The following PTPRD variants were observed in gnomAD, a reference collection of about 807,000 sequenced individuals.
PTPRD encodes the protein receptor-type tyrosine-protein phosphatase delta.
Under a neutral mutation model 214.5 loss-of-function variants are expected in PTPRD, and 34 were observed. The ratio of observed to expected loss-of-function variants is 0.16; its 90% CI spans 0.12 to 0.21. The LOEUF is 0.21. PTPRD is among the 10% of genes least tolerant of loss of function. The probability of loss-of-function intolerance (pLI) is 1.00; values close to 1 mark genes in which losing one functional copy is unlikely to be tolerated. For missense variants in PTPRD, 2,545 were observed against 2,398.7 expected (o/e 1.06, Z -1.27); for synonymous variants, 1,128 against 845.7 (o/e 1.33, Z -5.79).
chr9:8,686,913 G>C (rs1357827291), intron 12 of PTPRD, among the ~76,000 whole-genome samples: 1 of 152,282 alleles, frequency 6.6e-6, no homozygotes, highest in Non-Finnish European at 1.5e-5. Flanking sequence ...AGATCAACCA[G>C]ACCAAACTTT....
chr9:8,758,726 TGA>T (rs1167950560), intron 11 of PTPRD, among the ~76,000 whole-genome samples: 2 of 152,104 alleles, frequency 1.3e-5, no homozygotes, highest in Non-Finnish European at 2.9e-5. Flanking sequence ...ATTTCTTGTT[TGA>T]GAGGAGGAAA....
intron 11 of PTPRD, among the ~76,000 whole-genome samples, chr9:8,810,850 T>A (rs1377257701): frequency 6.6e-6 from 1 of 152,194 alleles, no homozygotes; most frequent in East Asian, 1.9e-4. Flanking sequence ...AGGCTCACAG[T>A]CTTCCCTGTG....
intron 2 of PTPRD, among the ~76,000 whole-genome samples, chr9:10,462,317 G>C (rs1290952107): frequency 6.6e-6 from 1 of 151,944 alleles, no homozygotes; most frequent in African/African-American, 2.4e-5. Flanking sequence ...TGAATGTGTA[G>C]GAGTATTTTA....
chr9:10,064,201 G>C (rs2097834784), intron 3 of PTPRD, among the ~76,000 whole-genome samples: 1 of 151,486 alleles, frequency 6.6e-6, no homozygotes, highest in African/African-American at 2.4e-5. Flanking sequence ...TATACCTCAA[G>C]TTAGCTTTTA....
chr9:9,352,316 T>TATAC (rs144397879), intron 9 of PTPRD, among the ~76,000 whole-genome samples: 9,758 of 105,330 alleles, frequency 0.093, 1,097 homozygotes, highest in African/African-American at 0.27. Context: ...AAACCATATA[T>TATAC]ATATATATAT....
chr9:8,372,142 G>T (rs759529244), intron 39 of PTPRD, among the ~76,000 whole-genome samples: 34 of 151,832 alleles, frequency 2.2e-4, no homozygotes, highest in Non-Finnish European at 3.7e-4. Flanking sequence ...AAGTCTCATG[G>T]GATTGCCATA....
At chr9:10,547,356 T>C (rs763095816) in intron 2 of PTPRD, among the ~76,000 whole-genome samples, 1 of 152,014 alleles carries the variant, frequency 6.6e-6, no homozygotes, top group Non-Finnish European at 1.5e-5. Flanking sequence ...GCTAAGTCTG[T>C]TTCCAGAACT....
At chr9:8,961,773 T>G (rs774867524) in intron 11 of PTPRD, among the ~76,000 whole-genome samples, 67 of 152,130 alleles carry the variant, frequency 4.4e-4, no homozygotes, top group Non-Finnish European at 7.9e-4. Flanking sequence ...TGCATATGAC[T>G]TCACAGCATC....
Position 10,193,449 on chromosome 9 carries a change from G to A in PTPRD, c.-545+147514C>T, listed in dbSNP as rs552162557. On this transcript the variant is annotated intron_variant, in intron 3 of 45. Transcript: ENST00000381196. The stretch of plus-strand genomic sequence containing the variant: ...GCAGATTACCCATGAGAGGTCGAGA[G>A]TTAAATAAAGTACTAGCATGGGAAC... Among the ~76,000 whole-genome samples the A allele has an allele frequency of 6.6e-5, 10 of 151,964 alleles. No homozygotes were observed. The South Asian group carries it at 2.1e-3, about 32-fold the overall frequency.
chr9:8,788,248 A>G (rs933439585), intron 11 of PTPRD, among the ~76,000 whole-genome samples: 1 of 145,098 alleles, frequency 6.9e-6, no homozygotes, highest in Non-Finnish European at 1.5e-5. Flanking sequence ...GGTTCATATA[A>G]GATGATTTTT....
chr9:9,989,748 G>A (rs1379115957), intron 4 of PTPRD, among the ~76,000 whole-genome samples: 4 of 152,200 alleles, frequency 2.6e-5, no homozygotes, highest in Admixed American at 6.5e-5. Context: ...AGAGTGCACT[G>A]TGACACACAC....
chr9:9,657,891 AT>A (rs996494259), intron 7 of PTPRD, among the ~76,000 whole-genome samples: 2 of 152,206 alleles, frequency 1.3e-5, no homozygotes, highest in East Asian at 3.9e-4. Context: ...AAACAGTGAG[AT>A]TTTCCCCCCG....
intron 3 of PTPRD, among the ~76,000 whole-genome samples, chr9:10,099,918 C>T (rs866637874): frequency 5.3e-5 from 8 of 151,578 alleles, no homozygotes; most frequent in Middle Eastern, 3.2e-3. Flanking sequence ...ATACTGCATC[C>T]TCTATAATCT....
At chr9:8,706,275 G>A (rs939275648) in intron 12 of PTPRD, among the ~76,000 whole-genome samples, 2 of 152,140 alleles carry the variant, frequency 1.3e-5, no homozygotes, top group African/African-American at 4.8e-5. Flanking sequence ...TTTTCAGGGA[G>A]GTTTGATATT....
chr9:9,110,272 T>A (rs1028064913), intron 10 of PTPRD, among the ~76,000 whole-genome samples: 2 of 151,996 alleles, frequency 1.3e-5, no homozygotes, highest in African/African-American at 4.8e-5. Flanking sequence ...CGTCTTTAGG[T>A]CAGTTTTTCT....
intron 5 of PTPRD, among the ~76,000 whole-genome samples, chr9:9,900,182 A>G (rs1239371071): frequency 6.6e-6 from 1 of 152,128 alleles, no homozygotes; most frequent in Non-Finnish European, 1.5e-5. Context: ...AGGCTGCAGA[A>G]TTTTCCAAAT....
At chr9:10,042,689 G>C (rs1285125421) in intron 3 of PTPRD, among the ~76,000 whole-genome samples, 1 of 151,848 alleles carries the variant, frequency 6.6e-6, no homozygotes, top group African/African-American at 2.4e-5. Flanking sequence ...CCAGATGAGG[G>C]AGATGCAAAT....
chr9:9,697,035 G>C (rs372723749), intron 7 of PTPRD, among the ~76,000 whole-genome samples: 4 of 151,956 alleles, frequency 2.6e-5, no homozygotes, highest in African/African-American at 9.7e-5. Context: ...TGATCACAAA[G>C]AAAAAATTAG....
At chr9:9,436,337 T>C (rs1198591915) in intron 8 of PTPRD, among the ~76,000 whole-genome samples, 1 of 152,074 alleles carries the variant, frequency 6.6e-6, no homozygotes, top group East Asian at 1.9e-4. Flanking sequence ...AGACCCAAAA[T>C]AGGACTACCT....
Sources: allele counts gnomAD v4.1 joint callset (sites outside exome capture counted in the v4.1 genomes callset), GRCh38; gene constraint gnomAD v4.1.1; transcripts MANE v1.5; gene names NCBI Gene and HGNC (gene_info 2026-07-23, HGNC 2026-07-21).